The following KRI1 variants were observed in gnomAD, a reference collection of about 807,000 sequenced individuals.
KRI1 encodes protein KRI1 homolog.
In KRI1, 83 loss-of-function variants were observed where a neutral mutation model predicts 97.0. The ratio of observed to expected loss-of-function variants is 0.86; its 90% CI spans 0.72 to 1.03. The LOEUF is 1.03. Ranked by LOEUF, KRI1 falls within the 50% of genes least tolerant of loss-of-function variation. The pLI, the probability that KRI1 is intolerant of heterozygous loss-of-function variation, is 0.00. For missense variants in KRI1, 916 were observed against 928.4 expected, an observed-to-expected ratio of 0.99 and a Z score of 0.17; for synonymous variants, 371 against 363.5, an observed-to-expected ratio of 1.02 and a Z score of -0.23.
Position 10,565,780 on chromosome 19 carries a change from G to T in KRI1, c.105C>A (p.Arg35=). The T allele has an allele frequency of 6.3e-6, 10 of 1,576,162 alleles. No individual in the cohort carries two copies. Among genetic ancestry groups the T allele is most frequent in the Non-Finnish European group, 8.6e-6 (10 of 1,161,544 alleles). The change falls in exon 2 of 19, where the codon CGC becomes CGA. Residue 35 remains arginine (R), a synonymous_variant. Coordinates refer to ENST00000312962, the MANE Select transcript of KRI1 (RefSeq NM_023008.5). ...EREELQRLKD[R]YGDRDSSSDS... is the part of the protein sequence containing the mutation. ...CGCTGCTGCTGTCTCGGTCCCCGTA[G>T]CGATCCTTCACTGCGGGACACAGAC...
chr19:10,565,040 G>A lies in KRI1; in HGVS notation c.169-6C>T, dbSNP rs776776529. On this transcript the variant is annotated splice_polypyrimidine_tract_variant and splice_region_variant and intron_variant, in intron 2 of 18. Transcript: ENST00000312962. ...TCCTGCTGGGGATCAAATTCCTAGG[G>A]CAGGAAAAGGGTTGGGGATAGATTT... The A allele has an allele frequency of 1.9e-6, 3 of 1,583,080 alleles. No individual in the cohort carries two copies. The highest frequency in any genetic ancestry group is 2.6e-6 in the Non-Finnish European group (3 of 1,151,808).
At chr19:10,565,572 G>A (rs905663725) in intron 2 of KRI1, 145 bp downstream of exon 2, 91 of 1,062,148 alleles carry the variant, frequency 8.6e-5, no homozygotes, top group Non-Finnish European at 1.1e-4. Context: ...GGCACTGTCT[G>A]TCCCTCATGG....
At chr19:10,563,430 C>T (rs1167089891) in intron 3 of KRI1, among the ~76,000 whole-genome samples, 4 of 151,650 alleles carry the variant, frequency 2.6e-5, no homozygotes, top group Admixed American at 2.0e-4. Flanking sequence ...ACTGCAACCT[C>T]CGCCTCCCAG....
Position 10,562,936 on chromosome 19 carries a change from A to C in KRI1, c.275-99T>G, listed in dbSNP as rs149758038. 5.1e-3 allele frequency: 3,739 copies of C among 733,686 alleles called. 85 individuals are homozygous for C. In the African/African-American group the frequency reaches 0.056, roughly 11 times the overall value. 45.4% of individuals were successfully genotyped at this position (733,686 alleles called of 1,614,324 possible). A position where few individuals can be genotyped will look rare whatever the true frequency, so the allele number is the denominator to read the frequency against. On this transcript the variant is annotated intron_variant, in intron 3 of 18. Coordinates refer to ENST00000312962, the MANE Select transcript of KRI1 (RefSeq NM_023008.5). ...AGGGCCAGGGTTAGACAGAGGATTCAAATCCCAAATCCACCAATTCCCAGC... is the reference window on the plus strand; with the variant it reads ...AGGGCCAGGGTTAGACAGAGGATTCCAATCCCAAATCCACCAATTCCCAGC...
In KRI1 at chr19:10,558,256, G is replaced by T; in HGVS notation, c.1195-17C>A. The T allele has an allele frequency of 6.2e-7, 1 of 1,613,660 alleles. No homozygotes were observed. Among genetic ancestry groups the T allele is most frequent in the South Asian group, 1.1e-5 (1 of 91,070 alleles). On this transcript the variant is annotated splice_polypyrimidine_tract_variant and intron_variant, in intron 12 of 18. Coordinates refer to ENST00000312962, the MANE Select transcript of KRI1 (RefSeq NM_023008.5). ...AAAGCACTTCTGCAGGGTCAGGGCT[G>T]GCGGTTACCAGAGCCCACTCGAGAC...
Position 10,553,944 on chromosome 19 carries a change from C to T in KRI1, c.*7G>A. On this transcript the variant is annotated 3_prime_UTR_variant, in exon 19 of 19. Transcript: ENST00000312962. Reference sequence around the variant, plus strand: ...GGAGCCTGAGGCCCCTGCCTGCTCCCTGGTGCTCAGGAGCTGTTCTTGGGC... The same window carrying T: ...GGAGCCTGAGGCCCCTGCCTGCTCCTTGGTGCTCAGGAGCTGTTCTTGGGC... The T allele has an allele frequency of 6.3e-7, 1 of 1,582,250 alleles. No individual in the cohort carries two copies. Among genetic ancestry groups the T allele is most frequent in the Non-Finnish European group, 8.6e-7 (1 of 1,164,582 alleles).
In KRI1 at chr19:10,557,803, C is replaced by T. The variant is rs939482998; in HGVS notation, c.1452G>A (p.Ala484=). 3.7e-6 allele frequency: 6 copies of T among 1,613,498 alleles called. No homozygotes were observed. Among genetic ancestry groups the T allele is most frequent in the Non-Finnish European group, 5.1e-6 (6 of 1,179,930 alleles). Residue 484 remains alanine (A), a synonymous_variant, in exon 15 of 19, where the codon GCG becomes GCA. Transcript: ENST00000312962. Reference sequence around the variant, plus strand: ...ACACGGGCTTCTCCTGCCCCACGGCCGCGGCGAAGGGCGACTTGCGCTTCT... The same window carrying T: ...ACACGGGCTTCTCCTGCCCCACGGCTGCGGCGAAGGGCGACTTGCGCTTCT... ...GKKKRKSPFA[A]AVGQEKPVFE... is the part of the protein sequence containing the mutation.
intron 10 of KRI1, 25 bp from the exon 11 acceptor site, chr19:10,559,733 A>G (rs771474801): frequency 6.2e-6 from 10 of 1,613,806 alleles, no homozygotes; most frequent in Non-Finnish European, 8.5e-6. Context: ...AAAAGCCCAC[A>G]AGGGCCGCAG....
chr19:10,560,011 A>T, intron 9 of KRI1, 75 bp from the exon 10 acceptor site: 1 of 1,546,350 alleles, frequency 6.5e-7, no homozygotes, highest in Non-Finnish European at 8.8e-7. Flanking sequence ...ACGCCTGGGT[A>T]CGAAGCGTAT....
rs775659870 is a variant in KRI1 at position 10,559,598 on chromosome 19, A to AC, written c.1023+14dup. ...AGGGCTGGGGGGTCCTCCCCAGCTCACCCCCCACACTCACCCTCTTCTTTC... is the reference window on the plus strand; with the variant it reads ...AGGGCTGGGGGGTCCTCCCCAGCTCACCCCCCCACACTCACCCTCTTCTTTC... On this transcript the variant is annotated intron_variant, in intron 11 of 18. Coordinates refer to ENST00000312962, the MANE Select transcript of KRI1 (RefSeq NM_023008.5). 2 of 1,612,662 alleles carry AC rather than the reference A, an allele frequency of 1.2e-6. No individual in the cohort carries two copies. The highest frequency in any genetic ancestry group is 1.7e-6 in the Non-Finnish European group (2 of 1,179,588).
intron 18 of KRI1, 101 bp downstream of exon 18, chr19:10,554,986 C>T (rs1916452163): frequency 2.1e-6 from 2 of 938,020 alleles, no homozygotes; most frequent in Admixed American, 2.3e-5. Flanking sequence ...GCGGGGGGCG[C>T]TGCATTCCCA....
chr19:10,564,644 A>T (rs1045690213), intron 3 of KRI1, among the ~76,000 whole-genome samples: 1 of 152,138 alleles, frequency 6.6e-6, no homozygotes, highest in Non-Finnish European at 1.5e-5. Flanking sequence ...AGTGCCAAGG[A>T]CACAGTCATT....
In KRI1 at chr19:10,560,389, C is replaced by T. The variant is rs1916658577; in HGVS notation, c.723G>A (p.Arg241=). 10 of 1,613,836 alleles carry T rather than the reference C, an allele frequency of 6.2e-6. No homozygotes were observed. The highest frequency in any genetic ancestry group is 8.5e-6 in the Non-Finnish European group (10 of 1,179,956). The part of the protein sequence containing the change: ...PELDEGERFL[R]DYILNKRYEE... Reference sequence around the variant, plus strand: ...CATAGCGTTTGTTGAGGATGTAATCCCGCAGGAACCGCTCCCCTTCATCCA... The same window carrying T: ...CATAGCGTTTGTTGAGGATGTAATCTCGCAGGAACCGCTCCCCTTCATCCA... The change falls in exon 9 of 19, where the codon CGG becomes CGA. Residue 241 remains arginine (R), a synonymous_variant. Transcript: ENST00000312962.
chr19:10,560,534 C>G, intron 8 of KRI1, 86 bp from the exon 9 acceptor site: 1 of 974,580 alleles, frequency 1.0e-6, no homozygotes, highest in African/African-American at 1.6e-5. Flanking sequence ...TCACAGCCAG[C>G]CTCTGGAGTA....
At position 10,565,961 on chromosome 19, in the gene KRI1, G is replaced by A. The variant is rs1916862333; in HGVS notation, c.39C>T (p.Asn13=). The A allele has an allele frequency of 2.6e-6, 4 of 1,528,630 alleles. No homozygotes were observed. The highest frequency in any genetic ancestry group is 1.4e-5 in the African/African-American group (1 of 70,516). 94.7% of individuals were successfully genotyped at this position (1,528,630 alleles called of 1,614,324 possible). A position where few individuals can be genotyped will look rare whatever the true frequency, so the allele number is the denominator to read the frequency against. The stretch of plus-strand genomic sequence containing the variant: ...GGTTGTACCGCGCGGCAAACGCCGC[G>A]TTCACCCGCAGCTGCGACGACCCGC... The part of the protein sequence containing the change: ...EPRGSSQLRV[N]AAFAARYNRY... Residue 13 remains asparagine (N), a synonymous_variant, in exon 1 of 19, where the codon AAC becomes AAT. Transcript: ENST00000312962.
In KRI1 at chr19:10,561,849, T is replaced by C. The variant is rs2144728657; in HGVS notation, c.384-4A>G. 6.2e-7 allele frequency: 1 copy of C among 1,613,564 alleles called. No individual in the cohort carries two copies. Among genetic ancestry groups the C allele is most frequent in the East Asian group, 2.2e-5 (1 of 44,862 alleles). ...GTTCTCCTCATCAACATATTTGCTG[T>C]AAAGGAAAAGTGGGGTCTTCAGAAT... On this transcript the variant is annotated splice_region_variant and splice_polypyrimidine_tract_variant and intron_variant, in intron 4 of 18. Coordinates refer to ENST00000312962, the MANE Select transcript of KRI1 (RefSeq NM_023008.5).
At chr19:10,558,340 T>A in intron 12 of KRI1, 101 bp from the exon 13 acceptor site, 1 of 1,098,472 alleles carries the variant, frequency 9.1e-7, no homozygotes. Context: ...ACTTTACTCC[T>A]ACAGCTAGGG....
chr19:10,557,254 G>GCCA (rs1045587126), intron 16 of KRI1, among the ~76,000 whole-genome samples: 2 of 151,504 alleles, frequency 1.3e-5, no homozygotes, highest in African/African-American at 4.8e-5. Flanking sequence ...ACAGGCGCCT[G>GCCA]CCACCATGCC....
In KRI1 at chr19:10,554,049, G is replaced by A; in HGVS notation, c.2014C>T (p.Gln672Ter). The change falls in exon 19 of 19, where the codon CAG becomes TAG. Residue 672 changes from glutamine (Q) to a stop codon, truncating the protein, a stop_gained. Transcript: ENST00000312962. LOFTEE classifies it high-confidence loss of function. ...TTGAGGCCAAAGGCCTGCAGTCTCTGGCGGCTGAACTCGCATCCACCAAGC... is the reference window on the plus strand; with the variant it reads ...TTGAGGCCAAAGGCCTGCAGTCTCTAGCGGCTGAACTCGCATCCACCAAGC... ...VMLGGCEFSRQRLQAFGLNPK... is the reference protein window; with the variant it reads ...VMLGGCEFSR 1 of 1,614,196 alleles carries A rather than the reference G, an allele frequency of 6.2e-7. No homozygotes were observed. Among genetic ancestry groups the A allele is most frequent in the Non-Finnish European group, 8.5e-7 (1 of 1,180,034 alleles).
Sources: allele counts gnomAD v4.1 joint callset (sites outside exome capture counted in the v4.1 genomes callset), GRCh38; gene constraint gnomAD v4.1.1; transcripts MANE v1.5; gene names NCBI Gene and HGNC (gene_info 2026-07-23, HGNC 2026-07-21).